The following TNK2 variants were observed in gnomAD, a reference collection of about 807,000 sequenced individuals.
TNK2 encodes the protein activated CDC42 kinase 1.
TNK2 carries 83 observed loss-of-function variants against 101.8 expected under a neutral mutation model. The ratio of observed to expected loss-of-function variants is 0.82; its 90% confidence interval spans 0.68 to 0.98. TNK2 has a LOEUF of 0.98. TNK2 is among the 50% of genes least tolerant of loss of function. TNK2 has a pLI of 0.00. For missense variants in TNK2, 1,665 were observed against 1,483.2 expected, an observed-to-expected ratio of 1.12 and a Z score of -2.01; for synonymous variants, 804 against 633.0, an observed-to-expected ratio of 1.27 and a Z score of -4.06.
intron 2 of TNK2, among the ~76,000 whole-genome samples, chr3:195,887,887 C>CGCACATGCATGCGTGTGT (rs1756640138): frequency 6.9e-6 from 1 of 144,838 alleles, no homozygotes; most frequent in Non-Finnish European, 1.5e-5. Context: ...CGCGTGCGTA[C>CGCACATGCATGCGTGTGT]GCACGTGCAT....
At chr3:195,877,816 G>T (rs1193214354) in intron 9 of TNK2, among the ~76,000 whole-genome samples, 5 of 152,046 alleles carry the variant, frequency 3.3e-5, no homozygotes, top group Non-Finnish European at 7.4e-5. Flanking sequence ...GGCTCAGCAG[G>T]AAGGATGGAA....
Position 195,878,623 on chromosome 3 carries a change from C to T in TNK2, c.1015-31G>A, listed in dbSNP as rs924541636. On this transcript the variant is annotated intron_variant, in intron 7 of 15. Transcript: ENST00000672887. The surrounding 1 kb of genome is among the most constrained non-coding windows in gnomAD (Gnocchi z 4.7). Reference sequence around the variant, plus strand: ...GGTGAGGAGGTGCAGAGTTTGACGACAAACAGAGCGCCCAGCCCTTCACTT... The same window carrying T: ...GGTGAGGAGGTGCAGAGTTTGACGATAAACAGAGCGCCCAGCCCTTCACTT... The T allele has an allele frequency of 2.5e-6, 4 of 1,602,460 alleles. No homozygotes were observed. The highest frequency in any genetic ancestry group is 3.3e-5 in the Admixed American group (2 of 59,816).
chr3:195,870,664 C>T (rs969006216), intron 10 of TNK2, among the ~76,000 whole-genome samples: 2 of 152,244 alleles, frequency 1.3e-5, no homozygotes, highest in African/African-American at 4.8e-5. Context: ...TGTCCTGCTC[C>T]GGATCCACCC....
chr3:195,882,508 G>A lies in TNK2; in HGVS notation c.610-180C>T, dbSNP rs774174367. ...CAGTTTCTCAGGCCTCTCCCTCGAG[G>A]CAATTTGGGAAACTGATGCCTAGAG... On this transcript the variant is annotated intron_variant, in intron 5 of 15. Transcript: ENST00000672887. This position sits in a 1 kb window ranked among gnomAD's most constrained non-coding sequence, Gnocchi z 4.2. 1 of 1,536,950 alleles carries A rather than the reference G, an allele frequency of 6.5e-7. No homozygotes were observed. The highest frequency in any genetic ancestry group is 1.2e-5 in the South Asian group (1 of 83,222).
In TNK2 at chr3:195,876,548, C is replaced by T. The variant is rs148253032; in HGVS notation, c.1256+1705G>A. 1.3e-3 allele frequency: 610 copies of T among 456,770 alleles called. 1 individual carries two copies. The highest frequency in any genetic ancestry group is 3.3e-3 in the Middle Eastern group (10 of 3,074). 28.3% of individuals were successfully genotyped at this position (456,770 alleles called of 1,614,324 possible). A position where few individuals can be genotyped will look rare whatever the true frequency, so the allele number is the denominator to read the frequency against. ...GGGCAGAGTCAAGCTCTGCCACCACCGACACCCAGGCCCGCTCCCAAGCCT... is the reference window on the plus strand; with the variant it reads ...GGGCAGAGTCAAGCTCTGCCACCACTGACACCCAGGCCCGCTCCCAAGCCT... On this transcript the variant is annotated intron_variant, in intron 9 of 15. Transcript: ENST00000672887.
intron 2 of TNK2, among the ~76,000 whole-genome samples, chr3:195,887,528 G>A (rs967746458): frequency 1.3e-5 from 2 of 151,932 alleles, no homozygotes; most frequent in Admixed American, 6.6e-5. Flanking sequence ...TGTCTAACTT[G>A]ACACATTATT....
intron 11 of TNK2, chr3:195,869,887 G>A (rs576259576): frequency 2.0e-5 from 11 of 555,826 alleles, no homozygotes; most frequent in African/African-American, 5.7e-5. Flanking sequence ...ACGCCGGGGC[G>A]GACGGGCCTG....
At chr3:195,883,010 C>T in intron 5 of TNK2, 147 bp downstream of exon 5, 1 of 901,182 alleles carries the variant, frequency 1.1e-6, no homozygotes, top group Non-Finnish European at 1.7e-6. Context: ...CCAGGCTGGG[C>T]CCCTGTGGAC....
chr3:195,873,090 G>A (rs748078523), intron 9 of TNK2, among the ~76,000 whole-genome samples: 4 of 152,266 alleles, frequency 2.6e-5, no homozygotes, highest in Admixed American at 1.3e-4. Flanking sequence ...ACCTGCTTCC[G>A]GAGCTTTCCA....
intron 1 of TNK2, among the ~76,000 whole-genome samples, chr3:195,903,444 TG>T (rs1299708813): frequency 6.6e-6 from 1 of 152,140 alleles, no homozygotes. Context: ...AGGCTGGGCT[TG>T]GTGGCCCACC....
rs755114929 is a variant in TNK2 at position 195,879,100 on chromosome 3, CCA to C, written c.961_962del (p.Trp321GlyfsTer21). 6 of 1,613,764 alleles carry C rather than the reference CCA, an allele frequency of 3.7e-6. No individual in the cohort carries two copies. Among genetic ancestry groups the C allele is most frequent in the African/African-American group, 1.3e-5 (1 of 74,906 alleles). On this transcript the variant is annotated frameshift_variant, in exon 7 of 16. Coordinates refer to ENST00000672887, the MANE Select transcript of TNK2 (RefSeq NM_001382273.1). LOFTEE classifies it high-confidence loss of function. Reference sequence around the variant, plus strand: ...GCTCCTGGCCGTAGGTGAACATTTCCCACAGTGTCACCCCGAACATCCAGGTG... The same window carrying C: ...GCTCCTGGCCGTAGGTGAACATTTCCCAGTGTCACCCCGAACATCCAGGTG... ...SDTWMFGVTL[W>X]EMFTYGQEPW...
At chr3:195,908,122 C>T (rs13059257) in intron 1 of TNK2, 2,885 of 152,486 alleles carry the variant, frequency 0.019, 52 homozygotes, top group Non-Finnish European at 0.028. Flanking sequence ...GTGTTGACTG[C>T]ACCATGCAGA....
At chr3:195,866,348 C>T (rs2149186961) in intron 15 of TNK2, among the ~76,000 whole-genome samples, 1 of 152,190 alleles carries the variant, frequency 6.6e-6, no homozygotes, top group South Asian at 2.1e-4. Flanking sequence ...TTACAGGTGC[C>T]CACCACCATA....
intron 11 of TNK2, 44 bp from the exon 12 acceptor site, chr3:195,869,585 GAC>G: frequency 6.5e-7 from 1 of 1,545,076 alleles, no homozygotes; most frequent in Non-Finnish European, 8.8e-7. Flanking sequence ...GACGGAGCAG[GAC>G]AGAGGACAAA....
rs1342278792 is a variant in TNK2, at chr3:195,885,521, C to G, written c.235-488G>C. ...TGGTGCTGTCTGTCTCCACCCTCAC[C>G]AGGGAGTCGGCTGCCCTTCATCCTG... On this transcript the variant is annotated intron_variant, in intron 3 of 15. Transcript: ENST00000672887. This position sits in a 1 kb window ranked among gnomAD's most constrained non-coding sequence, Gnocchi z 4.7. 2 of 1,293,148 alleles carry G rather than the reference C, an allele frequency of 1.5e-6. No homozygotes were observed. The highest frequency in any genetic ancestry group is 1.5e-5 in the African/African-American group (1 of 66,024). The allele number at this position is 1,293,148 out of a possible 1,614,324, so 80.1% of individuals were successfully genotyped here.
At chr3:195,902,384 G>A (rs943467875) in intron 1 of TNK2, among the ~76,000 whole-genome samples, 1 of 152,156 alleles carries the variant, frequency 6.6e-6, no homozygotes, top group Admixed American at 6.5e-5. Flanking sequence ...GTGGGAGGCC[G>A]AGGTGGGCGA....
Position 195,888,645 on chromosome 3 carries a change from G to A in TNK2, c.-18-39C>T, listed in dbSNP as rs765138144. 5 of 1,558,380 alleles carry A rather than the reference G, an allele frequency of 3.2e-6. No homozygotes were observed. Among genetic ancestry groups the A allele is most frequent in the South Asian group, 1.2e-5 (1 of 86,184 alleles). Reference sequence around the variant, plus strand: ...AGTGGCTCAGGGACAAGGGTTGTGGGGGGACAACAGGGGCCTGCCCGAGTG... The same window carrying A: ...AGTGGCTCAGGGACAAGGGTTGTGGAGGGACAACAGGGGCCTGCCCGAGTG... On this transcript the variant is annotated intron_variant, in intron 1 of 15. Transcript: ENST00000672887. This position sits in a 1 kb window ranked among gnomAD's most constrained non-coding sequence, Gnocchi z 5.3.
chr3:195,885,300 A>C lies in TNK2; in HGVS notation c.235-267T>G, dbSNP rs1577077861. The C allele has an allele frequency of 7.5e-7, 1 of 1,335,368 alleles. No homozygotes were observed. Among genetic ancestry groups the C allele is most frequent in the Non-Finnish European group, 9.9e-7 (1 of 1,014,108 alleles). The allele number at this position is 1,335,368 out of a possible 1,614,324, so 82.7% of individuals were successfully genotyped here. A position where few individuals can be genotyped will look rare whatever the true frequency, so the allele number is the denominator to read the frequency against. On this transcript the variant is annotated intron_variant, in intron 3 of 15. Transcript: ENST00000672887. The surrounding 1 kb of genome is among the most constrained non-coding windows in gnomAD (Gnocchi z 4.7). ...ATGCAGCCTGTGGCTGAGCGGCCCC[A>C]CACCCAGCTGTGTGGAGAGGGAGGG... is the stretch of plus-strand genomic sequence containing the variant.
intron 11 of TNK2, 82 bp downstream of exon 11, chr3:195,870,032 G>A (rs1259427744): frequency 2.7e-6 from 3 of 1,111,660 alleles, no homozygotes; most frequent in East Asian, 5.3e-5. Context: ...CAGAACAGCA[G>A]CCTTAGGGTG....
Sources: gnomAD v4.1 joint callset for allele counts (sites outside exome capture counted in the v4.1 genomes callset) on GRCh38, gnomAD v4.1.1 for gene constraint, Gnocchi (gnomAD v3.1) non-coding constraint, MANE v1.5 for transcripts, NCBI Gene and HGNC (gene_info 2026-07-23, HGNC 2026-07-21) for gene names.